NUP210: variants seen among roughly 807,000 people sequenced by gnomAD.
NUP210 encodes nuclear pore membrane glycoprotein 210.
In NUP210, 151 loss-of-function variants were observed where a neutral mutation model predicts 196.0. That is an observed-to-expected ratio of 0.77 (90% CI 0.67 to 0.88). The LOEUF is 0.88. Ranked by LOEUF, NUP210 falls within the 40% of genes least tolerant of loss-of-function variation. The pLI, the probability that NUP210 is intolerant of heterozygous loss-of-function variation, is 0.00. For missense variants in NUP210, 2,314 were observed against 2,493.7 expected, an observed-to-expected ratio of 0.93 and a Z score of 1.53; for synonymous variants, 1,070 against 1,052.7, an observed-to-expected ratio of 1.02 and a Z score of -0.32.
At chr3:13,329,174 A>T (rs73018809) in intron 30 of NUP210, among the ~76,000 whole-genome samples, 3,176 of 152,294 alleles carry the variant, frequency 0.021, 77 homozygotes, top group East Asian at 0.11. Context: ...TCTCTATGAG[A>T]AAACCCACCC....
intron 20 of NUP210, chr3:13,345,216 A>T: frequency 1.0e-6 from 1 of 985,446 alleles, no homozygotes; most frequent in Non-Finnish European, 1.2e-6. Context: ...CTTTGTTAAG[A>T]CTTGGAAATT....
At position 13,323,575 on chromosome 3, in the gene NUP210, C is replaced by T; in HGVS notation, c.4645-143G>A. The T allele has an allele frequency of 1.1e-6, 1 of 894,276 alleles. No homozygotes were observed. The highest frequency in any genetic ancestry group is 1.7e-5 in the South Asian group (1 of 57,486). The allele number at this position is 894,276 out of a possible 1,614,324, so 55.4% of individuals were successfully genotyped here. A position where few individuals can be genotyped will look rare whatever the true frequency, so the allele number is the denominator to read the frequency against. ...AACACTGAGGCTCAAAGCCTAAACG[C>T]CTTGCTAGAATGTGGCAGAGAGGGG... On this transcript the variant is annotated intron_variant, in intron 33 of 39. Transcript: ENST00000254508. The surrounding 1 kb of genome is among the most constrained non-coding windows in gnomAD (Gnocchi z 4.3).
intron 1 of NUP210, among the ~76,000 whole-genome samples, chr3:13,416,156 C>G (rs1236633486): frequency 1.3e-5 from 2 of 152,176 alleles, no homozygotes; most frequent in Non-Finnish European, 2.9e-5. Context: ...TGCCCCAGAC[C>G]ACATAAGAGA....
At chr3:13,337,325 A>G (rs1365962850) in intron 26 of NUP210, among the ~76,000 whole-genome samples, 1 of 151,990 alleles carries the variant, frequency 6.6e-6, no homozygotes, top group East Asian at 1.9e-4. Flanking sequence ...TTTAGTCTCT[A>G]TTTGCTGTGT....
Position 13,323,294 on chromosome 3 carries a change from C to T in NUP210, c.4768+15G>A. The T allele has an allele frequency of 1.2e-6, 2 of 1,614,022 alleles. No homozygotes were observed. The highest frequency in any genetic ancestry group is 1.3e-5 in the African/African-American group (1 of 75,050). ...CCAGGTACTCTGAAGACAGCCCAAG[C>T]CCCTCATTAAGTACCTCTCAGGTTA... On this transcript the variant is annotated intron_variant, in intron 34 of 39. Transcript: ENST00000254508. This position sits in a 1 kb window ranked among gnomAD's most constrained non-coding sequence, Gnocchi z 4.3.
At chr3:13,346,754 G>A (rs1697747710) in intron 20 of NUP210, among the ~76,000 whole-genome samples, 1 of 152,214 alleles carries the variant, frequency 6.6e-6, no homozygotes, top group South Asian at 2.1e-4. Context: ...GAATGTCACT[G>A]GAGTCATCGG....
At chr3:13,343,386 T>G (rs1054279600) in intron 20 of NUP210, 83 bp from the exon 21 acceptor site, 1 of 1,502,436 alleles carries the variant, frequency 6.7e-7, no homozygotes, top group African/African-American at 1.4e-5. Flanking sequence ...TTGTGAGCAG[T>G]GCCTCGCCCT....
Position 13,331,845 on chromosome 3 carries a change from G to A in NUP210, c.3935+448C>T, listed in dbSNP as rs140435042. On this transcript the variant is annotated intron_variant, in intron 29 of 39. Coordinates refer to ENST00000254508, the MANE Select transcript of NUP210 (RefSeq NM_024923.4). ...GAGCTTTAAACAGCTTTTCCCAAGC[G>A]TTACTGTGCGGCCCCCTCGCCTGGG... Among the ~76,000 whole-genome samples the A allele has an allele frequency of 2.3e-4, 35 of 152,258 alleles. No individual in the cohort carries two copies. The East Asian group carries it at 4.6e-3, about 20-fold the overall frequency.
In NUP210 at chr3:13,351,942, G is replaced by A. The variant is rs1472707508; in HGVS notation, c.2772C>T (p.Phe924=). 31 of 1,613,384 alleles carry A rather than the reference G, an allele frequency of 1.9e-5. No individual in the cohort carries two copies. The highest frequency in any genetic ancestry group is 2.3e-5 in the Non-Finnish European group (27 of 1,179,478). Residue 924 remains phenylalanine (F), a synonymous_variant, in exon 20 of 40, where the codon TTC becomes TTT. Coordinates refer to ENST00000254508, the MANE Select transcript of NUP210 (RefSeq NM_024923.4). ...CAACATCTGCGGTGCTGGTGTTGAG[G>A]AAGAAGTAACCTGAGCCTTCCCTGA... ...LRIREGSGYF[F]LNTSTADVVK...
At chr3:13,367,395 A>G (rs984844380) in intron 13 of NUP210, among the ~76,000 whole-genome samples, 7 of 152,230 alleles carry the variant, frequency 4.6e-5, no homozygotes, top group Admixed American at 3.3e-4. Flanking sequence ...AGAACGCACC[A>G]TTGCACTCCC....
intron 1 of NUP210, among the ~76,000 whole-genome samples, chr3:13,406,965 G>A (rs2004328): frequency 0.26 from 40,158 of 151,800 alleles, 8,333 homozygotes; most frequent in African/African-American, 0.58. Context: ...GGCTCACTCG[G>A]TTCTCTCATC....
Position 13,397,417 on chromosome 3 carries a change from G to C in NUP210, c.376C>G (p.Arg126Gly), listed in dbSNP as rs758003408. 2 of 1,612,840 alleles carry C rather than the reference G, an allele frequency of 1.2e-6. No homozygotes were observed. The highest frequency in any genetic ancestry group is 1.3e-5 in the African/African-American group (1 of 74,852). The change falls in exon 3 of 40, where the codon CGC (arginine) becomes GGC (glycine). Residue 126 changes from arginine (R) to glycine (G), a missense_variant. Transcript: ENST00000254508. The stretch of plus-strand genomic sequence containing the variant: ...GGGGAGTCCTCCAGGTAGAGCTCGC[G>C]GGTGGTGGAGACGATCTGGATGTCA... Reference protein sequence around the residue: ...IHDIQIVSTTRELYLEDSPLE... With the variant: ...IHDIQIVSTTGELYLEDSPLE...
chr3:13,384,846 G>A lies in NUP210; in HGVS notation c.817+1429C>T, dbSNP rs922677795. On this transcript the variant is annotated intron_variant, in intron 6 of 39. Coordinates refer to ENST00000254508, the MANE Select transcript of NUP210 (RefSeq NM_024923.4). ...TATCTTGGAGCCTCCTCCCCTTTCA[G>A]AGTCTCAGAAAGCCACATCTTGGAC... Among the ~76,000 whole-genome samples, 9 of 152,274 alleles carry A rather than the reference G, an allele frequency of 5.9e-5. No individual in the cohort carries two copies. The East Asian group carries it at 1.2e-3, about 20-fold the overall frequency.
rs1342937224 is a variant in NUP210, at chr3:13,339,795, C to T, written c.3471+59G>A. On this transcript the variant is annotated intron_variant, in intron 25 of 39. Transcript: ENST00000254508. ...GGTCCTCAGAGGTAGAACTCAAACA[C>T]AGTAAAGAGGCTTCTGTCCCAGGCA... 6 of 1,474,402 alleles carry T rather than the reference C, an allele frequency of 4.1e-6. No individual in the cohort carries two copies. The African/African-American group carries it at 8.3e-5, about 20-fold the overall frequency. The allele number at this position is 1,474,402 out of a possible 1,614,324, so 91.3% of individuals were successfully genotyped here.
chr3:13,354,281 T>C (rs1180976018), intron 16 of NUP210, 174 bp from the exon 17 acceptor site: 2 of 616,078 alleles, frequency 3.2e-6, no homozygotes, highest in Admixed American at 2.9e-5. Context: ...GGTCCCCCCA[T>C]GGCCCTGTCC....
chr3:13,377,202 C>T (rs573360183), intron 9 of NUP210, among the ~76,000 whole-genome samples: 9 of 152,158 alleles, frequency 5.9e-5, no homozygotes, highest in Non-Finnish European at 1.5e-5. Flanking sequence ...GGAGCCCTGC[C>T]GCTGTGGCAA....
At chr3:13,362,401 A>T (rs1276068461) in intron 14 of NUP210, among the ~76,000 whole-genome samples, 1 of 152,146 alleles carries the variant, frequency 6.6e-6, no homozygotes, top group African/African-American at 2.4e-5. Context: ...CAAACATCCA[A>T]ATTATGGCTA....
At position 13,413,392 on chromosome 3, in the gene NUP210, C is replaced by T. The variant is rs192774853; in HGVS notation, c.167+6668G>A. On this transcript the variant is annotated intron_variant, in intron 1 of 39. Coordinates refer to ENST00000254508, the MANE Select transcript of NUP210 (RefSeq NM_024923.4). ...GGCTGAGGCAGGAGAATGGCATGAA[C>T]CCGGGAGGCGGAGCTTGCAGTGAGC... Among the ~76,000 whole-genome samples the T allele has an allele frequency of 2.9e-3, 440 of 152,082 alleles. 3 individuals are homozygous for T. Among genetic ancestry groups the T allele is most frequent in the African/African-American group, 1.0e-2 (413 of 41,480 alleles).
At chr3:13,360,027 G>A (rs1163608406) in intron 15 of NUP210, among the ~76,000 whole-genome samples, 1 of 152,196 alleles carries the variant, frequency 6.6e-6, no homozygotes, top group Non-Finnish European at 1.5e-5. Context: ...GAGGTGGCAA[G>A]CCACCCAACT....
Sources: gnomAD v4.1 joint callset for allele counts (sites outside exome capture counted in the v4.1 genomes callset) on GRCh38, gnomAD v4.1.1 for gene constraint, Gnocchi (gnomAD v3.1) non-coding constraint, MANE v1.5 for transcripts, NCBI Gene and HGNC (gene_info 2026-07-23, HGNC 2026-07-21) for gene names.